SGF29: variants seen among roughly 807,000 people sequenced by gnomAD.
The protein encoded by SGF29 is SAGA-associated factor 29.
A neutral mutation model predicts 38.1 loss-of-function variants in SGF29; 15 were observed. The observed-to-expected ratio is 0.39, with a 90% CI of 0.26 to 0.61. The LOEUF (loss-of-function observed/expected upper bound fraction) is 0.61, where lower values mean the gene tolerates loss of function less well. SGF29 is among the 20% of genes least tolerant of loss of function. The pLI is 0.49. For synonymous variants in SGF29, 151 were observed against 160.8 expected (o/e 0.94, Z 0.46); for missense variants, 184 against 394.6 (o/e 0.47, Z 4.52).
At chr16:28,564,611 A>G (rs1228726160) in intron 1 of SGF29, among the ~76,000 whole-genome samples, 1 of 132,436 alleles carries the variant, frequency 7.6e-6, no homozygotes. Context: ...ATGTGTATAT[A>G]TATACATATA....
At chr16:28,589,300 C>G in intron 5 of SGF29, 136 bp downstream of exon 5, 1 of 822,652 alleles carries the variant, frequency 1.2e-6, no homozygotes, top group East Asian at 2.5e-5. Context: ...GGCAGACTGG[C>G]TCTACCACTG....
At chr16:28,564,697 GTATATATATACATATATA>G (rs1567285926) in intron 1 of SGF29, among the ~76,000 whole-genome samples, 1 of 75,112 alleles carries the variant, frequency 1.3e-5, no homozygotes, top group Non-Finnish European at 2.5e-5. Flanking sequence ...GTATATATAT[GTATATATATACATATATA>G]TGTATATATA....
chr16:28,561,216 A>AC (rs2046787542), intron 1 of SGF29, among the ~76,000 whole-genome samples: 1 of 151,884 alleles, frequency 6.6e-6, no homozygotes, highest in Non-Finnish European at 1.5e-5. Context: ...ACATAGTGAG[A>AC]CCCCATCTCT....
chr16:28,563,199 A>G (rs947673171), intron 1 of SGF29, among the ~76,000 whole-genome samples: 4 of 152,168 alleles, frequency 2.6e-5, no homozygotes, highest in African/African-American at 9.7e-5. Flanking sequence ...AGGTTCTGTA[A>G]TAACTGTTGG....
chr16:28,565,700 G>A (rs1174792911), intron 1 of SGF29, among the ~76,000 whole-genome samples: 1 of 151,828 alleles, frequency 6.6e-6, no homozygotes, highest in East Asian at 2.0e-4. Flanking sequence ...GTTTCACTAT[G>A]TTGGTCTCAA....
At position 28,590,590 on chromosome 16, in the gene SGF29, G is replaced by A. The variant is rs377187700; in HGVS notation, c.567-41G>A. On this transcript the variant is annotated intron_variant, in intron 7 of 9. Coordinates refer to ENST00000317058, the MANE Select transcript of SGF29 (RefSeq NM_138414.3). This position sits in a 1 kb window ranked among gnomAD's most constrained non-coding sequence, Gnocchi z 8.2. ...ATCCTCACTCCCCAACAGGTACTGC[G>A]CCCCTGGCTGCATCCAGCCTTTTCC... 8.6e-4 allele frequency: 1,392 copies of A among 1,612,728 alleles called. 1 individual carries two copies. Among genetic ancestry groups the A allele is most frequent in the Non-Finnish European group, 1.1e-3 (1,348 of 1,179,844 alleles).
intron 1 of SGF29, among the ~76,000 whole-genome samples, chr16:28,566,204 G>A (rs1405547901): frequency 2.6e-5 from 4 of 151,646 alleles, no homozygotes; most frequent in African/African-American, 9.7e-5. Context: ...AACCCGGGAG[G>A]CAGAGCTTGC....
chr16:28,573,252 C>G (rs1231639012), intron 1 of SGF29, among the ~76,000 whole-genome samples: 2 of 152,074 alleles, frequency 1.3e-5, no homozygotes, highest in African/African-American at 4.8e-5. Flanking sequence ...CAGGCTCCAG[C>G]CCAGAGGAGG....
intron 3 of SGF29, 105 bp downstream of exon 3, chr16:28,585,093 T>C: frequency 2.4e-6 from 2 of 838,812 alleles, no homozygotes; most frequent in Admixed American, 2.5e-5. Flanking sequence ...GATTTGCATG[T>C]ATCTGCATAT....
intron 1 of SGF29, among the ~76,000 whole-genome samples, chr16:28,564,954 G>A (rs923831771): frequency 1.3e-5 from 2 of 151,440 alleles, no homozygotes; most frequent in Non-Finnish European, 2.9e-5. Context: ...CTTAAAACCA[G>A]GGAAGCCAGC....
rs199715510 is a variant in SGF29, at chr16:28,590,701, G to T, written c.602+35G>T. Reference sequence around the variant, plus strand: ...CAGGCCAGGGCAGGGCATGGAGCCTGGGGGCAGCCTAACAGCTGAGAAGGA... The same window carrying T: ...CAGGCCAGGGCAGGGCATGGAGCCTTGGGGCAGCCTAACAGCTGAGAAGGA... On this transcript the variant is annotated intron_variant, in intron 8 of 9. Transcript: ENST00000317058. This position sits in a 1 kb window ranked among gnomAD's most constrained non-coding sequence, Gnocchi z 8.2. 1.2e-3 allele frequency: 1,861 copies of T among 1,613,972 alleles called. 2 individuals carry two copies. Among genetic ancestry groups the T allele is most frequent in the Non-Finnish European group, 1.5e-3 (1,758 of 1,179,974 alleles).
intron 1 of SGF29, among the ~76,000 whole-genome samples, chr16:28,572,565 G>C (rs1287309288): frequency 6.6e-6 from 1 of 152,202 alleles, no homozygotes; most frequent in East Asian, 1.9e-4. Flanking sequence ...CACTGCGCCC[G>C]GTAGAAGGCC....
intron 5 of SGF29, chr16:28,589,421 C>A (rs1185382801): frequency 4.2e-6 from 2 of 476,648 alleles, no homozygotes; most frequent in Non-Finnish European, 7.7e-6. Context: ...CCTTCTGGGG[C>A]CTGGGCCAGT....
intron 1 of SGF29, among the ~76,000 whole-genome samples, chr16:28,573,314 A>G (rs2046876153): frequency 1.3e-5 from 2 of 152,108 alleles, no homozygotes; most frequent in African/African-American, 2.4e-5. Flanking sequence ...CTGAAGCCAG[A>G]GGAGAAGGGA....
At chr16:28,579,234 C>CT (rs912277867) in intron 1 of SGF29, among the ~76,000 whole-genome samples, 1 of 147,172 alleles carries the variant, frequency 6.8e-6, no homozygotes, top group African/African-American at 2.5e-5. Context: ...TTTTGGTTGT[C>CT]TTTTTACTCT....
intron 1 of SGF29, among the ~76,000 whole-genome samples, chr16:28,571,399 G>T (rs1018621895): frequency 6.6e-6 from 1 of 152,026 alleles, no homozygotes; most frequent in Admixed American, 6.6e-5. Context: ...TTCGAGACCA[G>T]CCTGGCCAAC....
chr16:28,591,532 G>T (rs1294369750), intron 9 of SGF29, 58 bp from the exon 10 acceptor site: 5 of 1,196,654 alleles, frequency 4.2e-6, no homozygotes, highest in Non-Finnish European at 5.0e-6. Flanking sequence ...GGGGGAAGGG[G>T]GTGCCTGTCC....
chr16:28,558,984 C>A (rs1837319588), intron 1 of SGF29, among the ~76,000 whole-genome samples: 1 of 152,144 alleles, frequency 6.6e-6, no homozygotes, highest in Non-Finnish European at 1.5e-5. Flanking sequence ...GATATTTGCA[C>A]AACCTTGTGA....
At chr16:28,557,227 C>T (rs1475894890) in intron 1 of SGF29, among the ~76,000 whole-genome samples, 3 of 152,150 alleles carry the variant, frequency 2.0e-5, no homozygotes, top group African/African-American at 7.2e-5. Flanking sequence ...CTCTTCAGAC[C>T]GTGCTTAATG....
Sources: allele counts gnomAD v4.1 joint callset (sites outside exome capture counted in the v4.1 genomes callset), GRCh38; gene constraint gnomAD v4.1.1; non-coding constraint Gnocchi (gnomAD v3.1); transcripts MANE v1.5; gene names NCBI Gene and HGNC (gene_info 2026-07-23, HGNC 2026-07-21).